The following CD14 variants were observed in gnomAD, a reference collection of about 807,000 sequenced individuals.
The protein encoded by CD14 is CD14 molecule, also known as monocyte differentiation antigen CD14.
Under a neutral mutation model 2.5 loss-of-function variants are expected in CD14, and 4 were observed. The ratio of observed to expected loss-of-function variants is 1.63; its 90% CI spans 0.80 to 3.72. CD14 has a LOEUF of 3.72. Ranked by LOEUF, CD14 falls within the 30% of genes most tolerant of loss-of-function variation. The pLI is 0.01. For synonymous variants in CD14, 236 were observed against 235.1 expected, an observed-to-expected ratio of 1.00 and a Z score of -0.04; for missense variants, 478 against 497.8, an observed-to-expected ratio of 0.96 and a Z score of 0.38.
At chr5:140,633,378 T>C, upstream of CD14, 1 of 527,384 alleles carries the variant, frequency 1.9e-6, no homozygotes, top group Non-Finnish European at 3.4e-6. Context: ...CTGTGTCTCC[T>C]GGCAGTGTCC....
In CD14 at chr5:140,631,760, G is replaced by C. The variant is rs986423699; in HGVS notation, c.*96C>G. Reference sequence around the variant, plus strand: ...TGTTTAAGATTTTAATAAAGGTGGGGCAAAGGGTTGAATTGGTCGAAAAGT... The same window carrying C: ...TGTTTAAGATTTTAATAAAGGTGGGCCAAAGGGTTGAATTGGTCGAAAAGT... On this transcript the variant is annotated 3_prime_UTR_variant, in exon 2 of 2. Transcript: ENST00000302014. 8.7e-7 allele frequency: 1 copy of C among 1,154,364 alleles called. No individual in the cohort carries two copies. Among genetic ancestry groups the C allele is most frequent in the Non-Finnish European group, 1.2e-6 (1 of 806,240 alleles). 71.5% of individuals were successfully genotyped at this position (1,154,364 alleles called of 1,614,324 possible). A position where few individuals can be genotyped will look rare whatever the true frequency, so the allele number is the denominator to read the frequency against.
chr5:140,632,699 T>C lies in CD14; in HGVS notation c.285A>G (p.Thr95=), dbSNP rs1756636536. The C allele has an allele frequency of 1.9e-6, 3 of 1,613,708 alleles. No homozygotes were observed. Among genetic ancestry groups the C allele is most frequent in the South Asian group, 2.2e-5 (2 of 91,084 alleles). The change falls in exon 2 of 2, where the codon ACA becomes ACG. Residue 95 remains threonine (T), a synonymous_variant. Transcript: ENST00000302014. The surrounding 1 kb of genome is among the most constrained non-coding windows in gnomAD (Gnocchi z 6.2). Reference sequence around the variant, plus strand: ...GAGCAGGAACCTGTGCGGCTCCCACTGTGAGCCGCCGCACGCGGAGAGCCT... The same window carrying C: ...GAGCAGGAACCTGTGCGGCTCCCACCGTGAGCCGCCGCACGCGGAGAGCCT... ...TVKALRVRRL[T]VGAAQVPAQL... is the part of the protein sequence containing the mutation.
rs1308511240 is a variant in CD14, at chr5:140,632,432, G to T, written c.552C>A (p.Ala184=). ...AGGCGCGAACCTGTTCGCAGGAAAA[G>T]GCAGGCGAGTGTGCTTGGGCAATGC... ...VLSIAQAHSP[A]FSCEQVRAFP... is the part of the protein sequence containing the mutation. The change falls in exon 2 of 2, where the codon GCC becomes GCA. Residue 184 remains alanine, a synonymous_variant. Transcript: ENST00000302014. This position sits in a 1 kb window ranked among gnomAD's most constrained non-coding sequence, Gnocchi z 6.2. 5 of 1,614,242 alleles carry T rather than the reference G, an allele frequency of 3.1e-6. No homozygotes were observed. The East Asian group carries it at 8.9e-5, about 29-fold the overall frequency.
Position 140,632,394 on chromosome 5 carries a change from G to A in CD14, c.590C>T (p.Thr197Ile), listed in dbSNP as rs373038511. 1.1e-5 allele frequency: 17 copies of A among 1,614,066 alleles called. No homozygotes were observed. The highest frequency in any genetic ancestry group is 1.4e-5 in the Non-Finnish European group (16 of 1,180,050). ...AGGATTGTCAGACAGGTCTAGGCTGGTAAGGGCCGGGAAGGCGCGAACCTG... is the reference window on the plus strand; with the variant it reads ...AGGATTGTCAGACAGGTCTAGGCTGATAAGGGCCGGGAAGGCGCGAACCTG... Reference protein sequence around the residue: ...CEQVRAFPALTSLDLSDNPGL... With the variant: ...CEQVRAFPALISLDLSDNPGL... Residue 197 changes from threonine to isoleucine, a missense_variant, in exon 2 of 2, where the codon ACC (threonine) becomes ATC (isoleucine). Transcript: ENST00000302014. The surrounding 1 kb of genome is among the most constrained non-coding windows in gnomAD (Gnocchi z 6.2).
Position 140,632,396 on chromosome 5 carries a change from A to T in CD14, c.588T>A (p.Leu196=), listed in dbSNP as rs377002757. ...SCEQVRAFPA[L]TSLDLSDNPG... ...GATTGTCAGACAGGTCTAGGCTGGT[A>T]AGGGCCGGGAAGGCGCGAACCTGTT... is the stretch of plus-strand genomic sequence containing the variant. The change falls in exon 2 of 2, where the codon CTT becomes CTA. Residue 196 remains leucine, a synonymous_variant. Coordinates refer to ENST00000302014, the MANE Select transcript of CD14 (RefSeq NM_000591.4). The surrounding 1 kb of genome is among the most constrained non-coding windows in gnomAD (Gnocchi z 6.2). 2.5e-6 allele frequency: 4 copies of T among 1,614,028 alleles called. No homozygotes were observed. The Admixed American group carries it at 6.7e-5, about 27-fold the overall frequency.
At position 140,632,416 on chromosome 5, in the gene CD14, C is replaced by G; in HGVS notation, c.568G>C (p.Val190Leu). ...AHSPAFSCEQ[V>L]RAFPALTSLD... ...CTGGTAAGGGCCGGGAAGGCGCGAA[C>G]CTGTTCGCAGGAAAAGGCAGGCGAG... Residue 190 changes from valine (V) to leucine (L), a missense_variant, in exon 2 of 2, where the codon GTT (valine) becomes CTT (leucine). Transcript: ENST00000302014. This position sits in a 1 kb window ranked among gnomAD's most constrained non-coding sequence, Gnocchi z 6.2. 6.2e-7 allele frequency: 1 copy of G among 1,614,220 alleles called. No individual in the cohort carries two copies. The highest frequency in any genetic ancestry group is 8.5e-7 in the Non-Finnish European group (1 of 1,180,054).
upstream of CD14, chr5:140,633,298 AAT>A (rs1756678293): frequency 1.6e-6 from 1 of 629,246 alleles, no homozygotes; most frequent in Non-Finnish European, 2.8e-6. Context: ...CTTTCCTGGA[AAT>A]ATTGCAATGA....
In CD14 at chr5:140,632,002, C is replaced by T. The variant is rs141597466; in HGVS notation, c.982G>A (p.Gly328Arg). The change falls in exon 2 of 2, where the codon GGG (glycine) becomes AGG (arginine). Residue 328 changes from glycine (G) to arginine (R), a missense_variant. Gly to Arg is a moderately radical substitution (Grantham distance 125). Transcript: ENST00000302014. This position sits in a 1 kb window ranked among gnomAD's most constrained non-coding sequence, Gnocchi z 6.2. ...LPEVDNLTLDGNPFLVPGTAL... is the reference protein window; with the variant it reads ...LPEVDNLTLDRNPFLVPGTAL... Reference sequence around the variant, plus strand: ...GTTCCAGGGACCAGGAAGGGATTCCCGTCCAGTGTCAGGTTATCCACCTCG... The same window carrying T: ...GTTCCAGGGACCAGGAAGGGATTCCTGTCCAGTGTCAGGTTATCCACCTCG... 67 of 1,613,978 alleles carry T rather than the reference C, an allele frequency of 4.2e-5. No homozygotes were observed. In the African/African-American group the frequency reaches 7.6e-4, roughly 18 times the overall value.
chr5:140,632,048 C>T lies in CD14; in HGVS notation c.936G>A (p.Ala312=). The T allele has an allele frequency of 6.2e-7, 1 of 1,614,208 alleles. No individual in the cohort carries two copies. The highest frequency in any genetic ancestry group is 1.1e-5 in the South Asian group (1 of 91,088). ...LDLSCNRLNR[A]PQPDELPEVD... is the part of the protein sequence containing the mutation. Reference sequence around the variant, plus strand: ...CCTCGGGCAGCTCGTCAGGCTGCGGCGCCCTGTTCAGTCTGTTGCAGCTGA... The same window carrying T: ...CCTCGGGCAGCTCGTCAGGCTGCGGTGCCCTGTTCAGTCTGTTGCAGCTGA... Residue 312 remains alanine, a synonymous_variant, in exon 2 of 2, where the codon GCG becomes GCA. Transcript: ENST00000302014. The surrounding 1 kb of genome is among the most constrained non-coding windows in gnomAD (Gnocchi z 6.2).
chr5:140,632,178 G>A lies in CD14; in HGVS notation c.806C>T (p.Ala269Val), dbSNP rs775985850. The A allele has an allele frequency of 3.7e-6, 6 of 1,613,824 alleles. No individual in the cohort carries two copies. The African/African-American group carries it at 4.0e-5, about 11-fold the overall frequency. Reference sequence around the variant, plus strand: ...GGCGCTGGACCACATGCATCTCGGAGCGCTAGGGTTTACGGTGGCGCGCAG... The same window carrying A: ...GGCGCTGGACCACATGCATCTCGGAACGCTAGGGTTTACGGTGGCGCGCAG... Reference protein sequence around the residue: ...NSLRATVNPSAPRCMWSSALN... With the variant: ...NSLRATVNPSVPRCMWSSALN... The change falls in exon 2 of 2, where the codon GCT becomes GTT. Residue 269 changes from alanine (A) to valine (V), a missense_variant. Transcript: ENST00000302014. The surrounding 1 kb of genome is among the most constrained non-coding windows in gnomAD (Gnocchi z 6.2).
chr5:140,632,371 G>C lies in CD14; in HGVS notation c.613C>G (p.Pro205Ala). The change falls in exon 2 of 2, where the codon CCT becomes GCT. Residue 205 changes from proline to alanine, a missense_variant. By Grantham distance (27) the Pro-to-Ala change is conservative. Coordinates refer to ENST00000302014, the MANE Select transcript of CD14 (RefSeq NM_000591.4). This position sits in a 1 kb window ranked among gnomAD's most constrained non-coding sequence, Gnocchi z 6.2. The stretch of plus-strand genomic sequence containing the variant: ...ATCAGTCCGCGTTCGCCCAGTCCAG[G>C]ATTGTCAGACAGGTCTAGGCTGGTA... ...ALTSLDLSDN[P>A]GLGERGLMAA... is the part of the protein sequence containing the mutation. 6.2e-7 allele frequency: 1 copy of C among 1,614,186 alleles called. No individual in the cohort carries two copies. The highest frequency in any genetic ancestry group is 8.5e-7 in the Non-Finnish European group (1 of 1,180,052).
chr5:140,632,504 C>A lies in CD14; in HGVS notation c.480G>T (p.Trp160Cys), dbSNP rs1396692544. The A allele has an allele frequency of 6.2e-7, 1 of 1,614,150 alleles. No individual in the cohort carries two copies. The highest frequency in any genetic ancestry group is 1.3e-5 in the African/African-American group (1 of 75,070). Reference sequence around the variant, plus strand: ...TGAGCCACTGCTGCAGCTCGGCGAGCCAAGAACGCCCTGTCGCCCACGACA... The same window carrying A: ...TGAGCCACTGCTGCAGCTCGGCGAGACAAGAACGCCCTGTCGCCCACGACA... Reference protein sequence around the residue: ...RNVSWATGRSWLAELQQWLKP... With the variant: ...RNVSWATGRSCLAELQQWLKP... Residue 160 changes from tryptophan to cysteine, a missense_variant, in exon 2 of 2, where the codon TGG becomes TGT. Trp to Cys is a radical substitution (Grantham distance 215). Coordinates refer to ENST00000302014, the MANE Select transcript of CD14 (RefSeq NM_000591.4). This position sits in a 1 kb window ranked among gnomAD's most constrained non-coding sequence, Gnocchi z 6.2.
At position 140,632,795 on chromosome 5, in the gene CD14, A is replaced by C. The variant is rs1434228892; in HGVS notation, c.189T>G (p.Gly63=). The C allele has an allele frequency of 6.2e-7, 1 of 1,613,658 alleles. No individual in the cohort carries two copies. The highest frequency in any genetic ancestry group is 2.2e-5 in the East Asian group (1 of 44,858). ...SAVEVEIHAG[G]LNLEPFLKRV... is the part of the protein sequence containing the mutation. ...GCTTTAGAAACGGCTCTAGGTTGAG[A>C]CCGCCGGCATGGATCTCCACCTCTA... Residue 63 remains glycine (G), a synonymous_variant, in exon 2 of 2, where the codon GGT becomes GGG. Coordinates refer to ENST00000302014, the MANE Select transcript of CD14 (RefSeq NM_000591.4). This position sits in a 1 kb window ranked among gnomAD's most constrained non-coding sequence, Gnocchi z 6.2.
chr5:140,633,102 C>T lies in CD14; in HGVS notation c.-31G>A, dbSNP rs759451406. On this transcript the variant is annotated 5_prime_UTR_variant, in exon 1 of 2. Transcript: ENST00000302014. ...ATAAGTCTTCCGAACCTCTGAGCTC[C>T]GGACAGGCTCTGGAAGTGCTTTAGC... is the stretch of plus-strand genomic sequence containing the variant. 46 of 1,613,748 alleles carry T rather than the reference C, an allele frequency of 2.9e-5. 1 individual carries two copies. The Middle Eastern group carries it at 4.9e-4, about 17-fold the overall frequency.
rs1212938621 is a variant in CD14, at chr5:140,632,754, G to A, written c.230C>T (p.Ala77Val). Residue 77 changes from alanine (A) to valine (V), a missense_variant, in exon 2 of 2, where the codon GCC becomes GTC. Coordinates refer to ENST00000302014, the MANE Select transcript of CD14 (RefSeq NM_000591.4). The surrounding 1 kb of genome is among the most constrained non-coding windows in gnomAD (Gnocchi z 6.2). The stretch of plus-strand genomic sequence containing the variant: ...CGTGTCAGCATACTGCCGCGGGTCG[G>A]CGTCCGCATCGACGCGCTTTAGAAA... ...EPFLKRVDAD[A>V]DPRQYADTVK... 1 of 1,613,456 alleles carries A rather than the reference G, an allele frequency of 6.2e-7. No homozygotes were observed. Among genetic ancestry groups the A allele is most frequent in the Admixed American group, 1.7e-5 (1 of 60,018 alleles).
Position 140,632,247 on chromosome 5 carries a change from G to C in CD14, c.737C>G (p.Ala246Gly). 6.2e-7 allele frequency: 1 copy of C among 1,613,534 alleles called. No homozygotes were observed. Among genetic ancestry groups the C allele is most frequent in the Non-Finnish European group, 8.5e-7 (1 of 1,180,024 alleles). Residue 246 changes from alanine to glycine, a missense_variant, in exon 2 of 2, where the codon GCG becomes GGG. Physicochemically the swap from Ala to Gly is moderately conservative, Grantham distance 60. Coordinates refer to ENST00000302014, the MANE Select transcript of CD14 (RefSeq NM_000591.4). The surrounding 1 kb of genome is among the most constrained non-coding windows in gnomAD (Gnocchi z 6.2). ...TAGGCTGTGGGGCTGCACACCTGCC[G>C]CCGCCAGTGCGGCGCACACGCCTGT... is the stretch of plus-strand genomic sequence containing the variant. ...TPTGVCAALA[A>G]AGVQPHSLDL...
Position 140,632,199 on chromosome 5 carries a change from C to T in CD14, c.785G>A (p.Arg262His). 6.2e-7 allele frequency: 1 copy of T among 1,613,576 alleles called. No homozygotes were observed. The change falls in exon 2 of 2, where the codon CGC (arginine) becomes CAC (histidine). Residue 262 changes from arginine (R) to histidine (H), a missense_variant. Physicochemically the swap from Arg to His is conservative, Grantham distance 29. Transcript: ENST00000302014. The surrounding 1 kb of genome is among the most constrained non-coding windows in gnomAD (Gnocchi z 6.2). ...HSLDLSHNSL[R>H]ATVNPSAPRC... The stretch of plus-strand genomic sequence containing the variant: ...CGGAGCGCTAGGGTTTACGGTGGCG[C>T]GCAGCGAGTTGTGGCTGAGGTCTAG...
Position 140,631,775 on chromosome 5 carries a change from G to T in CD14, c.*81C>A. On this transcript the variant is annotated 3_prime_UTR_variant, in exon 2 of 2. Transcript: ENST00000302014. ...TAAAGGTGGGGCAAAGGGTTGAATT[G>T]GTCGAAAAGTCCTCAACGTCCTGAC... The T allele has an allele frequency of 7.6e-7, 1 of 1,320,446 alleles. No homozygotes were observed. The highest frequency in any genetic ancestry group is 1.4e-5 in the South Asian group (1 of 70,066). The allele number at this position is 1,320,446 out of a possible 1,614,324, so 81.8% of individuals were successfully genotyped here. A position where few individuals can be genotyped will look rare whatever the true frequency, so the allele number is the denominator to read the frequency against.
At position 140,632,260 on chromosome 5, in the gene CD14, C is replaced by G; in HGVS notation, c.724G>C (p.Ala242Pro). The G allele has an allele frequency of 1.9e-6, 3 of 1,613,680 alleles. No homozygotes were observed. The highest frequency in any genetic ancestry group is 1.7e-6 in the Non-Finnish European group (2 of 1,180,036). The change falls in exon 2 of 2, where the codon GCC becomes CCC. Residue 242 changes from alanine to proline, a missense_variant. Ala to Pro is a conservative substitution (Grantham distance 27). Coordinates refer to ENST00000302014, the MANE Select transcript of CD14 (RefSeq NM_000591.4). The surrounding 1 kb of genome is among the most constrained non-coding windows in gnomAD (Gnocchi z 6.2). The part of the protein sequence containing the change: ...TGMETPTGVC[A>P]ALAAAGVQPH... The stretch of plus-strand genomic sequence containing the variant: ...TGCACACCTGCCGCCGCCAGTGCGG[C>G]GCACACGCCTGTGGGCGTCTCCATT...
Sources: allele counts gnomAD v4.1 joint callset, GRCh38; gene constraint gnomAD v4.1.1; non-coding constraint Gnocchi (gnomAD v3.1); transcripts MANE v1.5; gene names NCBI Gene and HGNC (gene_info 2026-07-23, HGNC 2026-07-21).